Variants in CTNNA3 observed in about 807,000 individuals in gnomAD.
The protein encoded by CTNNA3 is catenin alpha 3.
CTNNA3 carries 76 observed loss-of-function variants against 95.7 expected under a neutral mutation model. The observed-to-expected ratio is 0.79, with a 90% CI of 0.66 to 0.96. CTNNA3 has a LOEUF of 0.96. Among genes scored for constraint, CTNNA3 ranks in the 40% least tolerant of loss-of-function variants. The pLI, the probability that CTNNA3 is intolerant of heterozygous loss-of-function variation, is 0.00. For synonymous variants in CTNNA3, 431 were observed against 374.4 expected (o/e 1.15, Z -1.74); for missense variants, 1,191 against 1,089.8 (o/e 1.09, Z -1.31).
chr10:66,994,494 T>C (rs1851219743), intron 7 of CTNNA3, among the ~76,000 whole-genome samples: 1 of 152,216 alleles, frequency 6.6e-6, no homozygotes, highest in Non-Finnish European at 1.5e-5. Context: ...TAGTTTTGCA[T>C]CATGCTGAAC....
chr10:67,071,859 C>T (rs1041282773), intron 7 of CTNNA3, among the ~76,000 whole-genome samples: 3 of 151,996 alleles, frequency 2.0e-5, no homozygotes, highest in African/African-American at 4.8e-5. Context: ...TTATACTGTG[C>T]CCAATTTATC....
chr10:67,705,633 TGGGGGGA>T (rs1303890273), intron 1 of CTNNA3, among the ~76,000 whole-genome samples: 1 of 63,528 alleles, frequency 1.6e-5, no homozygotes, highest in Non-Finnish European at 2.8e-5. Context: ...TGTTGTGGGG[TGGGGGGA>T]GGGGGGAGGG....
At chr10:66,824,063 G>C (rs910143726) in intron 7 of CTNNA3, among the ~76,000 whole-genome samples, 1 of 146,406 alleles carries the variant, frequency 6.8e-6, no homozygotes, top group African/African-American at 2.6e-5. Flanking sequence ...TTTTTTCCTA[G>C]AGAGTGGGCC....
At chr10:66,072,154 A>T (rs1239010409) in intron 14 of CTNNA3, among the ~76,000 whole-genome samples, 2 of 152,160 alleles carry the variant, frequency 1.3e-5, no homozygotes, top group Admixed American at 1.3e-4. Context: ...TTGAAATTTG[A>T]ATTTTACATA....
At chr10:67,034,714 T>G (rs542014034) in intron 7 of CTNNA3, among the ~76,000 whole-genome samples, 51 of 152,336 alleles carry the variant, frequency 3.3e-4, no homozygotes, top group African/African-American at 1.1e-3. Flanking sequence ...CCTACTCAGA[T>G]GCAAAAACTG....
intron 7 of CTNNA3, among the ~76,000 whole-genome samples, chr10:67,093,500 T>C (rs1345779385): frequency 3.3e-5 from 5 of 151,858 alleles, no homozygotes. Context: ...AGTCACTTGA[T>C]GGTTATGTGA....
At chr10:67,075,579 A>T (rs1389557610) in intron 7 of CTNNA3, among the ~76,000 whole-genome samples, 1 of 152,206 alleles carries the variant, frequency 6.6e-6, no homozygotes, top group Non-Finnish European at 1.5e-5. Flanking sequence ...TCTCAAAGTA[A>T]GATATAGACA....
At chr10:66,195,360 A>G (rs1473488308) in intron 13 of CTNNA3, among the ~76,000 whole-genome samples, 3 of 152,214 alleles carry the variant, frequency 2.0e-5, no homozygotes, top group Non-Finnish European at 4.4e-5. Context: ...ATAGGAAAGG[A>G]AAGATTAAAA....
At chr10:66,756,785 T>G (rs1282367304) in intron 9 of CTNNA3, among the ~76,000 whole-genome samples, 1 of 152,144 alleles carries the variant, frequency 6.6e-6, no homozygotes, top group Non-Finnish European at 1.5e-5. Flanking sequence ...TTTTACTAGA[T>G]AGTTGCAATA....
intron 11 of CTNNA3, among the ~76,000 whole-genome samples, chr10:66,463,350 T>G (rs939050221): frequency 3.9e-5 from 6 of 152,140 alleles, no homozygotes; most frequent in African/African-American, 1.2e-4. Flanking sequence ...CCTGCTCCCC[T>G]TCACCTTCCT....
intron 13 of CTNNA3, among the ~76,000 whole-genome samples, chr10:66,217,129 G>C (rs138686687): frequency 0.012 from 1,848 of 152,272 alleles, 12 homozygotes; most frequent in Middle Eastern, 0.044. Context: ...GCCAAGGAGG[G>C]TGGATCACGA....
intron 2 of CTNNA3, among the ~76,000 whole-genome samples, chr10:67,632,541 A>C (rs1480250333): frequency 3.3e-5 from 5 of 152,142 alleles, no homozygotes; most frequent in Non-Finnish European, 5.9e-5. Context: ...AGAACAAAGA[A>C]AAGCAGGGTG....
chr10:67,460,637 T>C (rs1847341132), intron 5 of CTNNA3, among the ~76,000 whole-genome samples: 1 of 152,316 alleles, frequency 6.6e-6, no homozygotes, highest in Non-Finnish European at 1.5e-5. Flanking sequence ...AGATTTTCTT[T>C]ACATTTATTC....
intron 15 of CTNNA3, among the ~76,000 whole-genome samples, chr10:66,006,484 C>A (rs1026327633): frequency 6.6e-6 from 1 of 152,114 alleles, no homozygotes; most frequent in Non-Finnish European, 1.5e-5. Flanking sequence ...GAAAACAGGT[C>A]TTTTCTTGCC....
At chr10:66,518,457 T>G (rs117405369) in intron 11 of CTNNA3, among the ~76,000 whole-genome samples, 3 of 152,112 alleles carry the variant, frequency 2.0e-5, no homozygotes, top group African/African-American at 7.2e-5. Flanking sequence ...AACCTACTAT[T>G]CAACAGTCAA....
chr10:66,104,435 CAACTT>C (rs1321682472), intron 13 of CTNNA3, among the ~76,000 whole-genome samples: 1 of 152,132 alleles, frequency 6.6e-6, no homozygotes, highest in African/African-American at 2.4e-5. Context: ...CACAAGGTCT[CAACTT>C]AATATATTTT....
intron 7 of CTNNA3, among the ~76,000 whole-genome samples, chr10:67,119,998 T>C (rs1202358055): frequency 6.6e-6 from 1 of 151,904 alleles, no homozygotes; most frequent in African/African-American, 2.4e-5. Context: ...TTCCATATCT[T>C]AGCTCTAGAT....
At chr10:67,730,777 A>G (rs1426958230) in intron 1 of CTNNA3, among the ~76,000 whole-genome samples, 1 of 152,154 alleles carries the variant, frequency 6.6e-6, no homozygotes, top group East Asian at 1.9e-4. Context: ...ATTCTTTCAG[A>G]CAATTTGGTG....
intron 5 of CTNNA3, among the ~76,000 whole-genome samples, chr10:67,365,243 TA>T (rs1470980081): frequency 6.6e-6 from 1 of 152,176 alleles, no homozygotes; most frequent in African/African-American, 2.4e-5. Flanking sequence ...AGCACAGACT[TA>T]AATGTAAGAC....
Sources: allele counts gnomAD v4.1 joint callset (sites outside exome capture counted in the v4.1 genomes callset), GRCh38; gene constraint gnomAD v4.1.1; transcripts MANE v1.5; gene names NCBI Gene and HGNC (gene_info 2026-07-23, HGNC 2026-07-21).